Variants in MNAT1 observed in about 807,000 individuals in gnomAD.
MNAT1 encodes CDK-activating kinase assembly factor MAT1.
In MNAT1, 43 loss-of-function variants were observed where a neutral mutation model predicts 42.0. The ratio of observed to expected loss-of-function variants is 1.02; its 90% CI spans 0.80 to 1.32. The LOEUF is 1.32. Ranked by LOEUF, MNAT1 falls within the 40% of genes most tolerant of loss-of-function variation. MNAT1 has a pLI of 0.00. For synonymous variants in MNAT1, 118 were observed against 120.0 expected (o/e 0.98, Z 0.11); for missense variants, 306 against 350.4 (o/e 0.87, Z 1.01).
At chr14:60,862,540 G>T (rs1213273334) in intron 6 of MNAT1, among the ~76,000 whole-genome samples, 1 of 152,192 alleles carries the variant, frequency 6.6e-6, no homozygotes, top group Non-Finnish European at 1.5e-5. Context: ...TGTCCGTGAG[G>T]ATTTGCACCA....
At chr14:60,913,615 A>G (rs1436634272) in intron 7 of MNAT1, among the ~76,000 whole-genome samples, 1 of 152,128 alleles carries the variant, frequency 6.6e-6, no homozygotes, top group East Asian at 1.9e-4. Flanking sequence ...TTGCCTGGGT[A>G]TCAGCAGGGG....
intron 1 of MNAT1, among the ~76,000 whole-genome samples, chr14:60,785,389 CTGTT>C (rs1447108779): frequency 3.9e-5 from 6 of 152,188 alleles, no homozygotes; most frequent in African/African-American, 1.4e-4. Context: ...TCAAACTTGT[CTGTT>C]ATTTTATTAA....
chr14:60,942,678 T>C (rs567694874), intron 7 of MNAT1, among the ~76,000 whole-genome samples: 64 of 152,224 alleles, frequency 4.2e-4, no homozygotes, highest in Non-Finnish European at 7.2e-4. Flanking sequence ...AATCAGCCCA[T>C]TTTTATGAAT....
chr14:60,830,893 A>G (rs1418867627), intron 6 of MNAT1, among the ~76,000 whole-genome samples: 1 of 151,840 alleles, frequency 6.6e-6, no homozygotes, highest in African/African-American at 2.4e-5. Flanking sequence ...CAAGGATTAC[A>G]TTCAGTTATT....
chr14:60,923,778 A>C, intron 7 of MNAT1, among the ~76,000 whole-genome samples: 1 of 152,172 alleles, frequency 6.6e-6, no homozygotes, highest in African/African-American at 2.4e-5. Flanking sequence ...CAGGAGTTTG[A>C]GACCAGCTTG....
At chr14:60,881,497 A>G (rs1054428358) in intron 7 of MNAT1, among the ~76,000 whole-genome samples, 7 of 152,038 alleles carry the variant, frequency 4.6e-5, no homozygotes, top group Admixed American at 6.6e-5. Flanking sequence ...ATCTTTTAAT[A>G]TACTGAATTC....
intron 6 of MNAT1, among the ~76,000 whole-genome samples, chr14:60,824,212 C>T (rs1424740743): frequency 6.6e-6 from 1 of 151,980 alleles, no homozygotes; most frequent in Non-Finnish European, 1.5e-5. Flanking sequence ...ATAAAAATGC[C>T]AAGCTTTGAT....
At chr14:60,922,016 T>C (rs2035671515) in intron 7 of MNAT1, among the ~76,000 whole-genome samples, 1 of 152,184 alleles carries the variant, frequency 6.6e-6, no homozygotes, top group Non-Finnish European at 1.5e-5. Flanking sequence ...GAAATAATTT[T>C]TGAATAATTT....
At chr14:60,844,024 A>G (rs1448001625) in intron 6 of MNAT1, among the ~76,000 whole-genome samples, 1 of 152,136 alleles carries the variant, frequency 6.6e-6, no homozygotes, top group Non-Finnish European at 1.5e-5. Flanking sequence ...GTATTTGTAG[A>G]GAATACTTTT....
chr14:60,881,732 A>G (rs1189728813), intron 7 of MNAT1, among the ~76,000 whole-genome samples: 1 of 152,172 alleles, frequency 6.6e-6, no homozygotes, highest in African/African-American at 2.4e-5. Flanking sequence ...TAATAATCAC[A>G]TTAAGGTAGA....
intron 7 of MNAT1, among the ~76,000 whole-genome samples, chr14:60,945,158 G>A (rs1375186206): frequency 6.6e-6 from 1 of 152,116 alleles, no homozygotes; most frequent in Non-Finnish European, 1.5e-5. Context: ...TCTTGTTCAA[G>A]GTATACTTCA....
chr14:60,918,855 A>G (rs2035590994), intron 7 of MNAT1, among the ~76,000 whole-genome samples: 1 of 151,502 alleles, frequency 6.6e-6, no homozygotes, highest in Non-Finnish European at 1.5e-5. Context: ...TGTGGTGATG[A>G]TTGCTTAATG....
intron 6 of MNAT1, among the ~76,000 whole-genome samples, chr14:60,876,435 A>G (rs1361053382): frequency 6.6e-6 from 1 of 152,096 alleles, no homozygotes; most frequent in African/African-American, 2.4e-5. Context: ...TACATGTAAC[A>G]TAAAAGTTCA....
intron 7 of MNAT1, among the ~76,000 whole-genome samples, chr14:60,904,366 T>C (rs760330461): frequency 2.0e-5 from 3 of 152,212 alleles, no homozygotes; most frequent in Non-Finnish European, 4.4e-5. Flanking sequence ...ATGTCTTTAG[T>C]ATTTGTTTTT....
At chr14:60,842,585 G>A (rs1234352222) in intron 6 of MNAT1, among the ~76,000 whole-genome samples, 1 of 152,080 alleles carries the variant, frequency 6.6e-6, no homozygotes, top group African/African-American at 2.4e-5. Context: ...TGGTCAATCT[G>A]GTCTTGTTAT....
At chr14:60,963,912 G>C (rs1047739670) in intron 7 of MNAT1, among the ~76,000 whole-genome samples, 2 of 152,082 alleles carry the variant, frequency 1.3e-5, no homozygotes, top group Admixed American at 1.3e-4. Context: ...ATTATGACTG[G>C]ACAGGAAGAG....
intron 7 of MNAT1, among the ~76,000 whole-genome samples, chr14:60,917,835 C>T (rs2035558773): frequency 6.6e-6 from 1 of 151,918 alleles, no homozygotes; most frequent in Admixed American, 6.6e-5. Flanking sequence ...ACCATGTTGG[C>T]CAGGCTGGTC....
At chr14:60,861,962 T>G (rs4151276) in intron 6 of MNAT1, among the ~76,000 whole-genome samples, 1,971 of 152,250 alleles carry the variant, frequency 0.013, 20 homozygotes, top group Non-Finnish European at 0.019. Context: ...CAGTTCAAAG[T>G]TGTTAGAATG....
At chr14:60,871,241 A>T (rs922054171) in intron 6 of MNAT1, among the ~76,000 whole-genome samples, 1 of 152,236 alleles carries the variant, frequency 6.6e-6, no homozygotes, top group African/African-American at 2.4e-5. Context: ...AATAGCTGCT[A>T]TGAACATTCA....
Sources: gnomAD v4.1 joint callset for allele counts (sites outside exome capture counted in the v4.1 genomes callset) on GRCh38, gnomAD v4.1.1 for gene constraint, MANE v1.5 for transcripts, NCBI Gene and HGNC (gene_info 2026-07-23, HGNC 2026-07-21) for gene names.